ACAD8: variants seen among roughly 807,000 people sequenced by gnomAD.
The protein encoded by ACAD8 is acyl-CoA dehydrogenase family member 8.
A neutral mutation model predicts 53.1 loss-of-function variants in ACAD8; 47 were observed. The observed-to-expected ratio is 0.89, with a 90% CI of 0.70 to 1.13. ACAD8 has a LOEUF of 1.13. ACAD8 is among the 50% of genes most tolerant of loss of function. The pLI is 0.00. For synonymous variants in ACAD8, 198 were observed against 201.3 expected (o/e 0.98, Z 0.14); for missense variants, 494 against 535.0 (o/e 0.92, Z 0.76).
intron 1 of ACAD8, 119 bp from the exon 2 acceptor site, chr11:134,256,429 C>CTTT: frequency 1.3e-6 from 1 of 768,246 alleles, no homozygotes; most frequent in Admixed American, 2.0e-5. Context: ...AAGGCTATAC[C>CTTT]GTGTATGGGA....
chr11:134,263,813 ATCACTTTG>A (rs1296292251), intron 10 of ACAD8: 1 of 985,360 alleles, frequency 1.0e-6, no homozygotes, highest in African/African-American at 1.7e-5. Context: ...TCATCACTGT[ATCACTTTG>A]TTTCATCATG....
Position 134,261,088 on chromosome 11 carries a change from CTG to C in ACAD8, c.753_754del (p.Ala252CysfsTer60). On this transcript the variant is annotated frameshift_variant, in exon 7 of 11. Transcript: ENST00000281182. LOFTEE classifies it high-confidence loss of function. This position sits in a 1 kb window ranked among gnomAD's most constrained non-coding sequence, Gnocchi z 4.2. ...CAACACGAGCTGTGATCTTCGAAGA[CTG>C]TGCTGTCCCTGTGGCCAACAGAATT... ...QPTRAVIFEDCAVPVANRIGS... is the reference protein window; with the variant it reads ...QPTRAVIFEDXAVPVANRIGS... The C allele has an allele frequency of 6.2e-7, 1 of 1,612,342 alleles. No homozygotes were observed. The highest frequency in any genetic ancestry group is 1.1e-5 in the South Asian group (1 of 90,548).
chr11:134,257,284 A>G (rs1322775264), intron 3 of ACAD8, 27 bp downstream of exon 3: 3 of 1,613,514 alleles, frequency 1.9e-6, no homozygotes, highest in Non-Finnish European at 1.7e-6. Flanking sequence ...GGAAGGCACA[A>G]TGAAGTGCTC....
chr11:134,263,341 T>G (rs1021956753), intron 10 of ACAD8: 17 of 990,174 alleles, frequency 1.7e-5, no homozygotes, highest in Non-Finnish European at 1.9e-5. Context: ...CACAGCACCC[T>G]TCTCAAACCT....
At chr11:134,262,900 A>C in intron 10 of ACAD8, 1 of 1,338,638 alleles carries the variant, frequency 7.5e-7, no homozygotes, top group Non-Finnish European at 9.8e-7. Context: ...TGGATGAGAA[A>C]GCATGTTGAA....
intron 1 of ACAD8, among the ~76,000 whole-genome samples, chr11:134,254,828 C>T (rs1346752029): frequency 2.0e-5 from 3 of 152,200 alleles, no homozygotes; most frequent in South Asian, 2.1e-4. Flanking sequence ...TATGTATTGG[C>T]ATCTTGAGCT....
intron 9 of ACAD8, 182 bp from the exon 10 acceptor site, chr11:134,262,338 G>A (rs1306834187): frequency 1.3e-5 from 9 of 668,944 alleles, no homozygotes; most frequent in Non-Finnish European, 2.2e-5. Flanking sequence ...GACAAGTTTA[G>A]TAGGTGAACT....
intron 1 of ACAD8, among the ~76,000 whole-genome samples, chr11:134,255,837 C>T (rs996771358): frequency 6.6e-6 from 1 of 152,232 alleles, no homozygotes; most frequent in East Asian, 1.9e-4. Context: ...GTGAGGACTG[C>T]ATCGCTTGTA....
intron 3 of ACAD8, chr11:134,258,008 C>G (rs1037997620): frequency 3.5e-5 from 7 of 199,372 alleles, no homozygotes; most frequent in Non-Finnish European, 7.3e-5. Flanking sequence ...TGCCACCACA[C>G]CTGGCTAATT....
At chr11:134,258,714 A>G (rs1939698816) in intron 4 of ACAD8, 90 bp downstream of exon 4, 4 of 975,484 alleles carry the variant, frequency 4.1e-6, no homozygotes, top group African/African-American at 1.6e-5. Context: ...GCCTCTTGAC[A>G]TGTCGAGCCA....
chr11:134,254,924 T>C (rs1551183), intron 1 of ACAD8, among the ~76,000 whole-genome samples: 39,725 of 152,216 alleles, frequency 0.26, 5,569 homozygotes, highest in East Asian at 0.37. Context: ...GTTTTTATAC[T>C]GTATTTCCTT....
At position 134,263,053 on chromosome 11, in the gene ACAD8, C is replaced by T. The variant is rs982247464; in HGVS notation, c.1195+431C>T. ...ATCAGCCAGATGGCCTAAAAGATAC[C>T]TGTCTCAATATTACTAGTGTATTTT... is the stretch of plus-strand genomic sequence containing the variant. On this transcript the variant is annotated intron_variant, in intron 10 of 10. Coordinates refer to ENST00000281182, the MANE Select transcript of ACAD8 (RefSeq NM_014384.3). 4.2e-6 allele frequency: 5 copies of T among 1,178,044 alleles called. No homozygotes were observed. In the African/African-American group the frequency reaches 4.8e-5, roughly 11 times the overall value. 73.0% of individuals were successfully genotyped at this position (1,178,044 alleles called of 1,614,324 possible).
In ACAD8 at chr11:134,261,319, C is replaced by T. The variant is rs759600553; in HGVS notation, c.886C>T (p.Arg296Ter). Residue 296 changes from arginine to a stop codon, truncating the protein, a stop_gained, in exon 8 of 11, where the codon CGA (arginine) becomes TGA (stop). Transcript: ENST00000281182. LOFTEE classifies it high-confidence loss of function. This position sits in a 1 kb window ranked among gnomAD's most constrained non-coding sequence, Gnocchi z 4.2. Reference sequence around the variant, plus strand: ...TGCCCACGCCTCTGTCATCCTCACCCGAGACCACCTCAATGTCCGGAAGCA... The same window carrying T: ...TGCCCACGCCTCTGTCATCCTCACCTGAGACCACCTCAATGTCCGGAAGCA... ...GAAHASVILT[R>*]DHLNVRKQFG... The T allele has an allele frequency of 2.2e-5, 36 of 1,614,052 alleles. No homozygotes were observed. The highest frequency in any genetic ancestry group is 8.3e-5 in the Admixed American group (5 of 60,004).
At chr11:134,257,881 G>A (rs539758636) in intron 3 of ACAD8, 4 of 162,184 alleles carry the variant, frequency 2.5e-5, no homozygotes, top group Non-Finnish European at 4.1e-5. Context: ...ACAGAGTCTC[G>A]CTCTGTTGCC....
At chr11:134,260,604 C>A in intron 6 of ACAD8, 1 of 286,642 alleles carries the variant, frequency 3.5e-6, no homozygotes, top group Non-Finnish European at 6.7e-6. Context: ...GCAGGAAGAC[C>A]TTCAGTAAAA....
At chr11:134,262,248 G>A (rs1465668630) in intron 9 of ACAD8, 1 of 652,516 alleles carries the variant, frequency 1.5e-6, no homozygotes, top group Non-Finnish European at 2.8e-6. Flanking sequence ...TCCCAGCCAG[G>A]GTGGCTGTGG....
At chr11:134,262,459 G>A in intron 9 of ACAD8, 61 bp from the exon 10 acceptor site, 3 of 1,194,134 alleles carry the variant, frequency 2.5e-6, no homozygotes, top group Middle Eastern at 2.1e-4. Context: ...GGTAGGAAGG[G>A]AAGCTGCTTG....
rs577755494 is a variant in ACAD8, at chr11:134,264,143, G to T, written c.1196-765G>T. 1.5e-3 allele frequency: 1,146 copies of T among 782,774 alleles called. 10 individuals carry two copies. The highest frequency in any genetic ancestry group is 1.5e-3 in the Non-Finnish European group (989 of 645,562). 48.5% of individuals were successfully genotyped at this position (782,774 alleles called of 1,614,324 possible). A position where few individuals can be genotyped will look rare whatever the true frequency, so the allele number is the denominator to read the frequency against. Reference sequence around the variant, plus strand: ...GTGGATCGCGTGAGGCCAGGAGTTCGAGACCAGCTTGGCCAACCCGGTGAA... The same window carrying T: ...GTGGATCGCGTGAGGCCAGGAGTTCTAGACCAGCTTGGCCAACCCGGTGAA... On this transcript the variant is annotated intron_variant, in intron 10 of 10. Coordinates refer to ENST00000281182, the MANE Select transcript of ACAD8 (RefSeq NM_014384.3).
rs1160405320 is a variant in ACAD8, at chr11:134,253,659, T to C, written c.59T>C (p.Leu20Pro). ...CGCCTCGGCTGCCTGCCCGGCGGTCTCCGGGTCCTCGTCCAGACCGGCCAC... is the reference window on the plus strand; with the variant it reads ...CGCCTCGGCTGCCTGCCCGGCGGTCCCCGGGTCCTCGTCCAGACCGGCCAC... ...GARLGCLPGGLRVLVQTGHRS... is the reference protein window; with the variant it reads ...GARLGCLPGGPRVLVQTGHRS... The change falls in exon 1 of 11, where the codon CTC becomes CCC. Residue 20 changes from leucine to proline, a missense_variant. Leu to Pro is a moderately conservative substitution (Grantham distance 98). Coordinates refer to ENST00000281182, the MANE Select transcript of ACAD8 (RefSeq NM_014384.3). The C allele has an allele frequency of 6.3e-7, 1 of 1,598,390 alleles. No individual in the cohort carries two copies. Among genetic ancestry groups the C allele is most frequent in the Admixed American group, 1.7e-5 (1 of 58,410 alleles).
Sources: allele counts gnomAD v4.1 joint callset (sites outside exome capture counted in the v4.1 genomes callset), GRCh38; gene constraint gnomAD v4.1.1; non-coding constraint Gnocchi (gnomAD v3.1); transcripts MANE v1.5; gene names NCBI Gene and HGNC (gene_info 2026-07-23, HGNC 2026-07-21).